Variants in IL16 observed in about 807,000 individuals in gnomAD.
IL16 encodes interleukin 16, also known as pro-interleukin-16.
In IL16, 67 loss-of-function variants were observed where a neutral mutation model predicts 110.1. The observed-to-expected ratio is 0.61, with a 90% CI of 0.50 to 0.75. The LOEUF is 0.75. Ranked by LOEUF, IL16 falls within the 30% of genes least tolerant of loss-of-function variation. The pLI is 0.00. For synonymous variants in IL16, 689 were observed against 662.9 expected, an observed-to-expected ratio of 1.04 and a Z score of -0.61; for missense variants, 1,545 against 1,655.0, an observed-to-expected ratio of 0.93 and a Z score of 1.15.
At chr15:81,268,300 G>A (rs1443318822) in intron 4 of IL16, among the ~76,000 whole-genome samples, 4 of 123,674 alleles carry the variant, frequency 3.2e-5, no homozygotes, top group South Asian at 2.3e-4. Context: ...TTCCATGTTC[G>A]CTGCCTTCCA....
intron 13 of IL16, among the ~76,000 whole-genome samples, chr15:81,297,773 T>C (rs1054674129): frequency 1.3e-5 from 2 of 152,164 alleles, no homozygotes; most frequent in Non-Finnish European, 2.9e-5. Context: ...CGTGAGGCCC[T>C]GTGCTAGATG....
rs1900911370 is a variant in IL16 at position 81,312,473 on chromosome 15, C to T, written c.*3675C>T. On this transcript the variant is annotated 3_prime_UTR_variant, in exon 19 of 19. Coordinates refer to ENST00000683961, the MANE Select transcript of IL16 (RefSeq NM_172217.5). ...GCCCAAGGGAAAGAAAAGGAAGGCT[C>T]TTCTCCCCAGAGTTCCCCATGCAGA... 1.3e-5 allele frequency: 2 copies of T among 152,418 alleles called. No homozygotes were observed. Among genetic ancestry groups the T allele is most frequent in the South Asian group, 4.1e-4 (2 of 4,826 alleles). 9.4% of individuals were successfully genotyped at this position (152,418 alleles called of 1,614,324 possible).
Position 81,232,054 on chromosome 15 carries a change from T to TG in IL16, c.312+6343_312+6344insG, listed in dbSNP as rs1432509526. ...CACATTTGTTCTTGTTTTTTTTTTT[T>TG]TTTTTTTTTTTTCTTTTTTTTTTCA... On this transcript the variant is annotated intron_variant, in intron 2 of 18. Transcript: ENST00000683961. 7.7e-4 allele frequency among the ~76,000 whole-genome samples: 103 copies of TG among 133,566 alleles called. 1 individual carries two copies. Among genetic ancestry groups the TG allele is most frequent in the African/African-American group, 2.6e-3 (86 of 32,890 alleles). The allele number at this position is 133,566 out of a possible 152,430, so 87.6% of individuals were successfully genotyped here.
At chr15:81,273,009 A>G in intron 5 of IL16, 81 bp from the exon 6 acceptor site, 1 of 1,087,158 alleles carries the variant, frequency 9.2e-7, no homozygotes, top group Non-Finnish European at 1.4e-6. Context: ...TTCAGGGCTG[A>G]GGCAGGCCCT....
chr15:81,232,764 A>G (rs1897053115), intron 2 of IL16, among the ~76,000 whole-genome samples: 1 of 152,146 alleles, frequency 6.6e-6, no homozygotes, highest in African/African-American at 2.4e-5. Context: ...TGATATGCTA[A>G]TATTTTGTTA....
chr15:81,301,659 T>C, intron 15 of IL16, 147 bp downstream of exon 15: 1 of 632,762 alleles, frequency 1.6e-6, no homozygotes, highest in South Asian at 2.0e-5. Context: ...ACTGTAGCAC[T>C]TGACCACAGT....
At chr15:81,281,818 G>C (rs1211340168) in intron 8 of IL16, among the ~76,000 whole-genome samples, 1 of 152,108 alleles carries the variant, frequency 6.6e-6, no homozygotes, top group Non-Finnish European at 1.5e-5. Flanking sequence ...ATCTTCCATG[G>C]GCATCCGTTT....
At chr15:81,273,022 G>T in intron 5 of IL16, 68 bp from the exon 6 acceptor site, 3 of 1,286,146 alleles carry the variant, frequency 2.3e-6, no homozygotes, top group Non-Finnish European at 3.4e-6. Flanking sequence ...CAGGCCCTCA[G>T]AAGGCATCAG....
At chr15:81,193,219 T>C (rs918527615), upstream of IL16, among the ~76,000 whole-genome samples, 1 of 152,130 alleles carries the variant, frequency 6.6e-6, no homozygotes, top group Admixed American at 6.6e-5. Flanking sequence ...TGGATGCTAG[T>C]GACAATTACC....
In IL16 at chr15:81,258,477, G is replaced by A. The variant is rs553599414; in HGVS notation, c.313-1295G>A. On this transcript the variant is annotated intron_variant, in intron 2 of 18. Transcript: ENST00000683961. The stretch of plus-strand genomic sequence containing the variant: ...ACACTTTGGGAGGCTGAGGTGGGAG[G>A]ATCACTTGAGCCCAGGAGTTTGAGA... Among the ~76,000 whole-genome samples the A allele has an allele frequency of 9.9e-5, 15 of 152,262 alleles. No individual in the cohort carries two copies. The East Asian group carries it at 2.9e-3, about 29-fold the overall frequency.
intron 3 of IL16, among the ~76,000 whole-genome samples, chr15:81,261,368 T>TCC (rs1225778930): frequency 6.6e-6 from 1 of 152,108 alleles, no homozygotes; most frequent in Non-Finnish European, 1.5e-5. Context: ...CTCCCTGGCA[T>TCC]CCCCAGGGCT....
intron 1 of IL16, among the ~76,000 whole-genome samples, chr15:81,225,086 T>C (rs8039528): frequency 0.049 from 7,484 of 152,206 alleles, 644 homozygotes; most frequent in African/African-American, 0.17. Context: ...TAGGTCTCCA[T>C]GACACTGGGA....
rs768047633 is a variant in IL16 at position 81,278,905 on chromosome 15, T to C, written c.864+15T>C. 1 of 1,586,514 alleles carries C rather than the reference T, an allele frequency of 6.3e-7. No individual in the cohort carries two copies. Among genetic ancestry groups the C allele is most frequent in the Admixed American group, 1.7e-5 (1 of 59,986 alleles). ...AGAAGTTCAAGGTGACCATTTCTTA[T>C]CAACACGTGACCAAACTCTGGGGCC... On this transcript the variant is annotated intron_variant, in intron 7 of 18. Coordinates refer to ENST00000683961, the MANE Select transcript of IL16 (RefSeq NM_172217.5).
At position 81,309,581 on chromosome 15, in the gene IL16, TAC is replaced by T. The variant is rs1470818185; in HGVS notation, c.*785_*786del. On this transcript the variant is annotated 3_prime_UTR_variant, in exon 19 of 19. Transcript: ENST00000683961. ...TATTGCTGGGGTCATTTATGAAAAA[TAC>T]AGTTTGTCACATGAAACATTTGCAA... is the stretch of plus-strand genomic sequence containing the variant. 2.6e-5 allele frequency: 4 copies of T among 152,210 alleles called. No individual in the cohort carries two copies. Among genetic ancestry groups the T allele is most frequent in the African/African-American group, 4.8e-5 (2 of 41,440 alleles). The allele number at this position is 152,210 out of a possible 1,614,324, so 9.4% of individuals were successfully genotyped here. A position where few individuals can be genotyped will look rare whatever the true frequency, so the allele number is the denominator to read the frequency against.
chr15:81,229,350 G>A (rs570533866), intron 2 of IL16, among the ~76,000 whole-genome samples: 49 of 152,170 alleles, frequency 3.2e-4, no homozygotes, highest in Non-Finnish European at 5.3e-4. Flanking sequence ...TCTGGATGGT[G>A]GTAAGAGGTG....
At chr15:81,231,881 C>G (rs564361281) in intron 2 of IL16, among the ~76,000 whole-genome samples, 61 of 152,136 alleles carry the variant, frequency 4.0e-4, no homozygotes, top group Non-Finnish European at 8.2e-4. Flanking sequence ...AGTGTCATCT[C>G]TCTTATAAGT....
At chr15:81,192,271 A>G (rs901663188), upstream of IL16, among the ~76,000 whole-genome samples, 4 of 152,160 alleles carry the variant, frequency 2.6e-5, no homozygotes, top group African/African-American at 9.7e-5. Flanking sequence ...ATTTCTGTAA[A>G]GCTAAAACTG....
At chr15:81,280,274 T>C (rs778687445) in intron 8 of IL16, among the ~76,000 whole-genome samples, 12 of 151,856 alleles carry the variant, frequency 7.9e-5, no homozygotes, top group Non-Finnish European at 1.5e-4. Flanking sequence ...ACCTGGAGGA[T>C]AAAGAGGAGG....
chr15:81,246,614 C>A (rs1897559257), intron 2 of IL16, among the ~76,000 whole-genome samples: 1 of 152,212 alleles, frequency 6.6e-6, no homozygotes, highest in East Asian at 1.9e-4. Flanking sequence ...TCCAAGGTTA[C>A]ACTGACCTCA....
Sources: gnomAD v4.1 joint callset for allele counts (sites outside exome capture counted in the v4.1 genomes callset) on GRCh38, gnomAD v4.1.1 for gene constraint, MANE v1.5 for transcripts, NCBI Gene and HGNC (gene_info 2026-07-23, HGNC 2026-07-21) for gene names.